The following PCDHA12 variants were observed in gnomAD, a reference collection of about 807,000 sequenced individuals.
PCDHA12 encodes the protein protocadherin alpha 12, also known as protocadherin alpha-12.
A neutral mutation model predicts 60.0 loss-of-function variants in PCDHA12; 44 were observed. That is an observed-to-expected ratio of 0.73 (90% CI 0.58 to 0.94). PCDHA12 has a LOEUF of 0.94. Among genes scored for constraint, PCDHA12 ranks in the 40% least tolerant of loss-of-function variants. PCDHA12 has a pLI of 0.00. For synonymous variants in PCDHA12, 569 were observed against 553.0 expected (o/e 1.03, Z -0.40); for missense variants, 1,276 against 1,239.7 (o/e 1.03, Z -0.44).
At chr5:140,924,096 T>A (rs1044149112) in intron 1 of PCDHA12, among the ~76,000 whole-genome samples, 1 of 152,222 alleles carries the variant, frequency 6.6e-6, no homozygotes, top group Non-Finnish European at 1.5e-5. Flanking sequence ...AAAGAATAAA[T>A]TTTCATTCCA....
Position 140,966,695 on chromosome 5 carries a change from C to T in PCDHA12, c.2368-12254C>T, listed in dbSNP as rs2096038904. ...GGGTGGCACGAGCGGAGGCGGGGCC[C>T]GGGCGTGGGGCACGGCTGGGGAAGC... is the stretch of plus-strand genomic sequence containing the variant. On this transcript the variant is annotated intron_variant, in intron 1 of 3. Coordinates refer to ENST00000398631, the MANE Select transcript of PCDHA12 (RefSeq NM_018903.4). 4 of 1,358,486 alleles carry T rather than the reference C, an allele frequency of 2.9e-6. No individual in the cohort carries two copies. In the South Asian group the frequency reaches 5.2e-5, roughly 18 times the overall value. The allele number at this position is 1,358,486 out of a possible 1,614,324, so 84.2% of individuals were successfully genotyped here. A position where few individuals can be genotyped will look rare whatever the true frequency, so the allele number is the denominator to read the frequency against.
At chr5:140,938,251 A>C (rs1015321564) in intron 1 of PCDHA12, among the ~76,000 whole-genome samples, 4 of 152,176 alleles carry the variant, frequency 2.6e-5, no homozygotes, top group Non-Finnish European at 5.9e-5. Context: ...TGGTCTTTTA[A>C]AAACTTTCTA....
rs2096830970 is a variant in PCDHA12, at chr5:140,978,991, A to C, written c.2410A>C (p.Arg804=). Residue 804 remains arginine, a synonymous_variant, in exon 2 of 4, where the codon AGA becomes CGA. Coordinates refer to ENST00000398631, the MANE Select transcript of PCDHA12 (RefSeq NM_018903.4). ...TGACTGGCGTTACTCTGCCTCCCTG[A>C]GAGCAGGCATGCACAGGTATGTATT... ...NPDWRYSASL[R]AGMHSSVHLE... is the part of the protein sequence containing the mutation. 1.2e-6 allele frequency: 2 copies of C among 1,614,188 alleles called. No individual in the cohort carries two copies. Among genetic ancestry groups the C allele is most frequent in the East Asian group, 2.2e-5 (1 of 44,882 alleles).
intron 1 of PCDHA12, among the ~76,000 whole-genome samples, chr5:140,933,506 G>A (rs2089196836): frequency 6.6e-6 from 1 of 151,944 alleles, no homozygotes; most frequent in Non-Finnish European, 1.5e-5. Flanking sequence ...GTTAAGCAAA[G>A]ACTACAGCTG....
At chr5:140,918,943 T>C (rs1554198839) in intron 1 of PCDHA12, among the ~76,000 whole-genome samples, 1 of 152,220 alleles carries the variant, frequency 6.6e-6, no homozygotes, top group Non-Finnish European at 1.5e-5. Context: ...TGTTATAATA[T>C]CCTGAACAGA....
intron 1 of PCDHA12, among the ~76,000 whole-genome samples, chr5:140,896,209 T>C (rs1489640114): frequency 6.6e-6 from 1 of 152,238 alleles, no homozygotes; most frequent in African/African-American, 2.4e-5. Context: ...AACATACACA[T>C]ACATGTGTCT....
chr5:140,924,909 AATAAAAT>A (rs1563069072), intron 1 of PCDHA12, among the ~76,000 whole-genome samples: 5 of 66,374 alleles, frequency 7.5e-5, no homozygotes, highest in African/African-American at 2.5e-4. Context: ...AAAAAAATAA[AATAAAAT>A]AAAATAAAAT....
intron 1 of PCDHA12, among the ~76,000 whole-genome samples, chr5:140,907,337 A>G (rs2073315694): frequency 6.6e-6 from 1 of 152,210 alleles, no homozygotes; most frequent in Non-Finnish European, 1.5e-5. Flanking sequence ...TTCCATATGC[A>G]TGAGCCCGCT....
intron 1 of PCDHA12, chr5:140,967,668 C>T (rs1554229751): frequency 1.2e-6 from 2 of 1,614,108 alleles, no homozygotes; most frequent in Non-Finnish European, 8.5e-7. Flanking sequence ...AGCTACACGT[C>T]GGACCGGGAG....
intron 1 of PCDHA12, among the ~76,000 whole-genome samples, chr5:140,969,910 A>G (rs1364534841): frequency 9.9e-5 from 15 of 152,216 alleles, no homozygotes; most frequent in African/African-American, 3.6e-4. Context: ...GTCACAAGTG[A>G]TAAAGCTGTA....
chr5:140,887,201 A>G (rs1331832646), intron 1 of PCDHA12, among the ~76,000 whole-genome samples: 1 of 150,710 alleles, frequency 6.6e-6, no homozygotes, highest in Non-Finnish European at 1.5e-5. Context: ...GGTTCACGCC[A>G]TTCTCCTGCC....
At position 140,876,947 on chromosome 5, in the gene PCDHA12, A is replaced by G; in HGVS notation, c.1475A>G (p.Tyr492Cys). ...ADAQKNALVS[Y>C]SLVERRVGEH... is the part of the protein sequence containing the mutation. ...GCGCAGAAGAACGCGCTGGTGTCCT[A>G]CTCGCTGGTGGAGCGGCGGGTGGGC... The change falls in exon 1 of 4, where the codon TAC becomes TGC. Residue 492 changes from tyrosine to cysteine, a missense_variant. Physicochemically the swap from Tyr to Cys is radical, Grantham distance 194. Coordinates refer to ENST00000398631, the MANE Select transcript of PCDHA12 (RefSeq NM_018903.4). 3.1e-6 allele frequency: 5 copies of G among 1,613,496 alleles called. No individual in the cohort carries two copies. The highest frequency in any genetic ancestry group is 1.1e-5 in the South Asian group (1 of 91,048).
At chr5:140,946,797 CAG>C (rs1279078142) in intron 1 of PCDHA12, among the ~76,000 whole-genome samples, 2 of 151,052 alleles carry the variant, frequency 1.3e-5, no homozygotes, top group Non-Finnish European at 3.0e-5. Context: ...CTTATAGAAG[CAG>C]AGAGTATAAC....
chr5:140,961,027 C>G (rs1222428259), intron 1 of PCDHA12, among the ~76,000 whole-genome samples: 1 of 152,164 alleles, frequency 6.6e-6, no homozygotes, highest in Non-Finnish European at 1.5e-5. Flanking sequence ...CTTGCTACCT[C>G]CTTGTTTTGA....
chr5:140,886,945 A>T (rs2061235497), intron 1 of PCDHA12, among the ~76,000 whole-genome samples: 1 of 152,148 alleles, frequency 6.6e-6, no homozygotes, highest in Admixed American at 6.5e-5. Flanking sequence ...TGTTCTACAC[A>T]TTAGACATTT....
At chr5:140,888,700 T>C (rs534278841) in intron 1 of PCDHA12, among the ~76,000 whole-genome samples, 2 of 152,274 alleles carry the variant, frequency 1.3e-5, no homozygotes, top group Non-Finnish European at 2.9e-5. Flanking sequence ...CTCTGATTGG[T>C]AGGAATGTGA....
chr5:140,939,269 A>G (rs1167199684), intron 1 of PCDHA12, among the ~76,000 whole-genome samples: 1 of 152,070 alleles, frequency 6.6e-6, no homozygotes, highest in Non-Finnish European at 1.5e-5. Flanking sequence ...CTTTTATGAG[A>G]GCTGTGCCCT....
intron 3 of PCDHA12, among the ~76,000 whole-genome samples, chr5:140,993,561 T>C (rs1282310511): frequency 6.6e-6 from 1 of 151,800 alleles, no homozygotes; most frequent in Non-Finnish European, 1.5e-5. Flanking sequence ...GTATATAGTA[T>C]CCTTTCTAGG....
intron 1 of PCDHA12, among the ~76,000 whole-genome samples, chr5:140,896,952 T>G (rs2153454853): frequency 6.6e-6 from 1 of 152,352 alleles, no homozygotes; most frequent in East Asian, 1.9e-4. Context: ...GCCATTCCCT[T>G]AAACATTTAT....
Sources: gnomAD v4.1 joint callset for allele counts (sites outside exome capture counted in the v4.1 genomes callset) on GRCh38, gnomAD v4.1.1 for gene constraint, MANE v1.5 for transcripts, NCBI Gene and HGNC (gene_info 2026-07-23, HGNC 2026-07-21) for gene names.